HELZ: variants seen among roughly 807,000 people sequenced by gnomAD.
HELZ encodes helicase with zinc finger.
A neutral mutation model predicts 218.2 loss-of-function variants in HELZ; 23 were observed. That is an observed-to-expected ratio of 0.11 (90% CI 0.08 to 0.15). HELZ has a LOEUF of 0.15. Ranked by LOEUF, HELZ falls within the 10% of genes least tolerant of loss-of-function variation. The pLI, the probability that HELZ is intolerant of heterozygous loss-of-function variation, is 1.00. For synonymous variants in HELZ, 814 were observed against 829.4 expected (o/e 0.98, Z 0.32); for missense variants, 1,813 against 2,353.7 (o/e 0.77, Z 4.75).
intron 3 of HELZ, among the ~76,000 whole-genome samples, chr17:67,220,861 A>C (rs114084823): frequency 0.051 from 5,946 of 115,966 alleles, 456 homozygotes; most frequent in African/African-American, 0.18. Context: ...CCCCCCCCCC[A>C]AAAAAAAAGA....
intron 3 of HELZ, among the ~76,000 whole-genome samples, chr17:67,221,527 G>C (rs1246651257): frequency 6.6e-6 from 1 of 152,168 alleles, no homozygotes; most frequent in Non-Finnish European, 1.5e-5. Flanking sequence ...TCTTTCTTAG[G>C]AATGAGTATA....
At chr17:67,085,892 T>C (rs913663539) in intron 32 of HELZ, among the ~76,000 whole-genome samples, 2 of 152,236 alleles carry the variant, frequency 1.3e-5, no homozygotes, top group African/African-American at 4.8e-5. Flanking sequence ...AGATTTTCCA[T>C]CATACAAGTT....
At chr17:67,197,599 G>A (rs1319628284) in intron 7 of HELZ, among the ~76,000 whole-genome samples, 1 of 152,164 alleles carries the variant, frequency 6.6e-6, no homozygotes, top group African/African-American at 2.4e-5. Flanking sequence ...CAGCTTTCCA[G>A]AGCCTTGAAC....
At chr17:67,154,215 G>GC (rs562395370) in intron 17 of HELZ, among the ~76,000 whole-genome samples, 83 of 152,300 alleles carry the variant, frequency 5.4e-4, no homozygotes, top group African/African-American at 1.9e-3. Context: ...AACACTTGAG[G>GC]CCAGGAGTTC....
intron 5 of HELZ, among the ~76,000 whole-genome samples, chr17:67,210,052 T>C (rs1386195423): frequency 6.6e-6 from 1 of 152,088 alleles, no homozygotes; most frequent in African/African-American, 2.4e-5. Context: ...ACCCCATCTC[T>C]ACAAAAAATA....
chr17:67,219,568 G>A (rs907621561), intron 3 of HELZ, among the ~76,000 whole-genome samples: 2 of 152,212 alleles, frequency 1.3e-5, no homozygotes, highest in Non-Finnish European at 2.9e-5. Context: ...AGAGAGACGA[G>A]TTCAAGTGAA....
chr17:67,107,400 G>A lies in HELZ; in HGVS notation c.5010C>T (p.Ala1670=), dbSNP rs2037138212. ...SPFSLPSEHL[A]PPPLKYLAPD... ...GTGCCAGGTATTTCAAGGGAGGAGG[G>A]GCAAGGTGTTCAGATGGCAACGAGA... Residue 1670 remains alanine, a synonymous_variant, in exon 31 of 33, where the codon GCC becomes GCT. Transcript: ENST00000358691. The A allele has an allele frequency of 6.2e-7, 1 of 1,614,042 alleles. No homozygotes were observed. Among genetic ancestry groups the A allele is most frequent in the African/African-American group, 1.3e-5 (1 of 74,906 alleles).
chr17:67,121,196 AGT>A (rs1247284020), intron 26 of HELZ, among the ~76,000 whole-genome samples: 3 of 152,248 alleles, frequency 2.0e-5, no homozygotes, highest in Non-Finnish European at 4.4e-5. Context: ...AACTTGTTTA[AGT>A]GTGTCTAGAT....
At chr17:67,231,527 A>C (rs1172766168) in intron 3 of HELZ, among the ~76,000 whole-genome samples, 1 of 149,456 alleles carries the variant, frequency 6.7e-6, no homozygotes, top group Non-Finnish European at 1.5e-5. Context: ...CGGGAGGCGG[A>C]GCTTGCAGTG....
intron 13 of HELZ, among the ~76,000 whole-genome samples, chr17:67,169,611 G>A (rs1360139132): frequency 1.3e-5 from 2 of 152,108 alleles, no homozygotes; most frequent in African/African-American, 4.8e-5. Context: ...TAGTTTTGGA[G>A]GGGACATTCA....
At chr17:67,176,177 A>G (rs1180353151) in intron 13 of HELZ, 2 of 152,224 alleles carry the variant, frequency 1.3e-5, no homozygotes, top group African/African-American at 4.8e-5. Context: ...TACCAACCAG[A>G]ACATTTTGCT....
At chr17:67,112,161 T>G (rs2037300167) in intron 28 of HELZ, among the ~76,000 whole-genome samples, 1 of 152,190 alleles carries the variant, frequency 6.6e-6, no homozygotes, top group Admixed American at 6.5e-5. Flanking sequence ...CTCTTAATAC[T>G]GAGGAGGCAC....
intron 31 of HELZ, among the ~76,000 whole-genome samples, chr17:67,102,500 C>T (rs1440964687): frequency 6.6e-6 from 1 of 152,150 alleles, no homozygotes; most frequent in Non-Finnish European, 1.5e-5. Flanking sequence ...GTTACACTAA[C>T]ATCCAGATAT....
At chr17:67,086,354 G>A (rs941288656) in intron 32 of HELZ, among the ~76,000 whole-genome samples, 1 of 151,818 alleles carries the variant, frequency 6.6e-6, no homozygotes, top group Non-Finnish European at 1.5e-5. Context: ...GGAGGTCGAG[G>A]CGGGTCGATC....
chr17:67,228,230 A>G (rs950619466), intron 3 of HELZ, among the ~76,000 whole-genome samples: 8 of 152,262 alleles, frequency 5.3e-5, no homozygotes, highest in African/African-American at 1.9e-4. Flanking sequence ...TATAAACAAT[A>G]AAACTTAAAG....
At chr17:67,244,558 C>T (rs980900782) in intron 1 of HELZ, 23 of 904,386 alleles carry the variant, frequency 2.5e-5, no homozygotes, top group Non-Finnish European at 3.0e-5. Flanking sequence ...GCTTGTGGGC[C>T]AAAGAGCATT....
intron 3 of HELZ, among the ~76,000 whole-genome samples, chr17:67,223,765 AT>A (rs912569991): frequency 4.0e-4 from 61 of 152,272 alleles, no homozygotes; most frequent in African/African-American, 1.2e-3. Context: ...GAAAAAAAAA[AT>A]ATCCAAACTT....
intron 3 of HELZ, among the ~76,000 whole-genome samples, chr17:67,235,888 G>A (rs1285872152): frequency 1.3e-5 from 2 of 151,310 alleles, no homozygotes; most frequent in African/African-American, 4.9e-5. Context: ...AGACTCCCGA[G>A]TAGCTGGGAC....
At chr17:67,092,114 T>C (rs2036590689) in intron 31 of HELZ, among the ~76,000 whole-genome samples, 1 of 152,204 alleles carries the variant, frequency 6.6e-6, no homozygotes, top group Non-Finnish European at 1.5e-5. Context: ...ATGTAATCTA[T>C]TGAAAAGCAC....
Sources: allele counts gnomAD v4.1 joint callset (sites outside exome capture counted in the v4.1 genomes callset), GRCh38; gene constraint gnomAD v4.1.1; transcripts MANE v1.5; gene names NCBI Gene and HGNC (gene_info 2026-07-23, HGNC 2026-07-21).